The following FYB2 variants were observed in gnomAD, a reference collection of about 807,000 sequenced individuals.
FYB2 encodes the protein FYN binding protein 2.
A neutral mutation model predicts 94.1 loss-of-function variants in FYB2; 103 were observed. That is an observed-to-expected ratio of 1.09 (90% CI 0.93 to 1.29). FYB2 has a LOEUF of 1.29. FYB2 is among the 50% of genes most tolerant of loss of function. FYB2 has a pLI of 0.00. For synonymous variants in FYB2, 293 were observed against 287.9 expected (o/e 1.02, Z -0.18); for missense variants, 896 against 841.5 (o/e 1.06, Z -0.80).
chr1:56,773,276 T>C (rs143947358), intron 4 of FYB2, among the ~76,000 whole-genome samples: 2 of 152,208 alleles, frequency 1.3e-5, no homozygotes, highest in Non-Finnish European at 2.9e-5. Context: ...GAATCCCTCA[T>C]TGTCCTTTGG....
chr1:56,819,538 G>A (rs749122704), upstream of FYB2: 7 of 589,306 alleles, frequency 1.2e-5, no homozygotes, highest in Non-Finnish European at 2.1e-5. Flanking sequence ...ACTGGGGAGA[G>A]TACTCCACCT....
chr1:56,743,413 T>C lies in FYB2; in HGVS notation c.1543+613A>G, dbSNP rs368128843. ...AAAAGAAGTCCATGGTACTATGAGA[T>C]TGTACACCAAGGAGAATATTCCCTG... On this transcript the variant is annotated intron_variant, in intron 11 of 19. Transcript: ENST00000343433. Among the ~76,000 whole-genome samples the C allele has an allele frequency of 9.2e-5, 14 of 152,098 alleles. No homozygotes were observed. The South Asian group carries it at 1.7e-3, about 18-fold the overall frequency.
rs779925731 is a variant in FYB2 at position 56,737,138 on chromosome 1, G to A, written c.1742C>T (p.Ser581Phe). 3 of 1,605,126 alleles carry A rather than the reference G, an allele frequency of 1.9e-6. No individual in the cohort carries two copies. In the African/African-American group the frequency reaches 4.0e-5, roughly 22 times the overall value. Residue 581 changes from serine (S) to phenylalanine (F), a missense_variant, in exon 15 of 20, where the codon TCT (serine) becomes TTT (phenylalanine). Transcript: ENST00000343433. ...SILLPDLELK[S>F]QEVIIYDDVD... is the part of the protein sequence containing the mutation. ...ATCATCATAAATAATAACTTCCTGA[G>A]ACTTAAGTTCTAGGGTCAAGACAGA...
chr1:56,770,943 GA>G (rs1446006781), intron 4 of FYB2, among the ~76,000 whole-genome samples: 3 of 152,138 alleles, frequency 2.0e-5, no homozygotes, highest in Non-Finnish European at 4.4e-5. Flanking sequence ...ACATTCATCA[GA>G]TTAGCTAGAA....
chr1:56,780,055 A>G (rs1004310563), intron 4 of FYB2, among the ~76,000 whole-genome samples: 1 of 152,166 alleles, frequency 6.6e-6, no homozygotes, highest in Non-Finnish European at 1.5e-5. Flanking sequence ...TAAGATAGTC[A>G]TTGGTCTAGA....
intron 2 of FYB2, among the ~76,000 whole-genome samples, chr1:56,790,020 G>A (rs918021681): frequency 6.6e-6 from 1 of 152,120 alleles, no homozygotes; most frequent in Non-Finnish European, 1.5e-5. Context: ...TTTGTCCTCT[G>A]CAGTCTTAAA....
In FYB2 at chr1:56,792,026, C is replaced by T. The variant is rs762711279; in HGVS notation, c.757+30G>A. The T allele has an allele frequency of 3.3e-6, 5 of 1,538,376 alleles. No homozygotes were observed. In the Admixed American group the frequency reaches 6.4e-5, roughly 20 times the overall value. On this transcript the variant is annotated intron_variant, in intron 2 of 19. Transcript: ENST00000343433. ...GAAAAACATGATGACACCTCCCTAG[C>T]CCCTGTCCCATGGGGATCACGTTTG...
At chr1:56,777,612 T>C (rs17114332) in intron 4 of FYB2, among the ~76,000 whole-genome samples, 30,220 of 151,994 alleles carry the variant, frequency 0.2, 3,975 homozygotes, top group East Asian at 0.45. Flanking sequence ...ATTCTATTCT[T>C]CAGCCAACAT....
upstream of FYB2, chr1:56,819,488 G>C (rs767704531): frequency 1.4e-6 from 1 of 697,290 alleles, no homozygotes; most frequent in Admixed American, 2.7e-5. Context: ...AGGGCCGGCC[G>C]CCATCCTCCC....
chr1:56,719,917 A>AACTT (rs1486782896), intron 19 of FYB2, 105 bp downstream of exon 19: 1 of 1,262,386 alleles, frequency 7.9e-7, no homozygotes, highest in South Asian at 1.6e-5. Flanking sequence ...TAATTTTTAA[A>AACTT]ACTTATCCTG....
At chr1:56,754,021 G>A in intron 7 of FYB2, 86 bp from the exon 8 acceptor site, 2 of 795,992 alleles carry the variant, frequency 2.5e-6, no homozygotes, top group Non-Finnish European at 2.1e-6. Flanking sequence ...TGAAATGAAT[G>A]GGAAAAATAG....
At chr1:56,733,487 T>C (rs780826111) in intron 15 of FYB2, among the ~76,000 whole-genome samples, 2 of 152,138 alleles carry the variant, frequency 1.3e-5, no homozygotes, top group African/African-American at 2.4e-5. Flanking sequence ...TTTGAATTTG[T>C]TTGCTCTTGT....
chr1:56,798,518 A>G (rs1256092224), intron 1 of FYB2, among the ~76,000 whole-genome samples: 1 of 152,196 alleles, frequency 6.6e-6, no homozygotes, highest in African/African-American at 2.4e-5. Context: ...AATAGTTAGA[A>G]GTCTGAATCT....
chr1:56,737,307 G>T (rs1644850148), intron 14 of FYB2, 160 bp from the exon 15 acceptor site: 1 of 455,766 alleles, frequency 2.2e-6, no homozygotes, highest in Non-Finnish European at 3.8e-6. Flanking sequence ...AAGAATCAAA[G>T]AATAAAAATA....
At chr1:56,749,605 C>T (rs1382640571) in intron 9 of FYB2, among the ~76,000 whole-genome samples, 1 of 151,888 alleles carries the variant, frequency 6.6e-6, no homozygotes, top group Non-Finnish European at 1.5e-5. Context: ...TATTAAACAT[C>T]TTATGTGTTA....
intron 15 of FYB2, among the ~76,000 whole-genome samples, chr1:56,730,804 T>G (rs111853636): frequency 1.3e-5 from 2 of 152,074 alleles, no homozygotes; most frequent in Admixed American, 1.3e-4. Flanking sequence ...AGCATAACCC[T>G]GATACCAAAA....
chr1:56,771,820 G>T (rs1280244135), intron 4 of FYB2, among the ~76,000 whole-genome samples: 1 of 152,156 alleles, frequency 6.6e-6, no homozygotes, highest in Non-Finnish European at 1.5e-5. Flanking sequence ...CAGTGAAAAA[G>T]TTGGAGTTCT....
intron 6 of FYB2, among the ~76,000 whole-genome samples, chr1:56,756,313 G>A (rs549170519): frequency 6.6e-6 from 1 of 152,222 alleles, no homozygotes; most frequent in East Asian, 1.9e-4. Context: ...CACAAGTAAT[G>A]CTGGAATTTC....
chr1:56,753,831 A>G lies in FYB2; in HGVS notation c.1227+8T>C, dbSNP rs1473150888. ...GTCTAAACTGCAGGAACCGTAGAACATAGGTACCTTGAAAACATGGTTTGA... is the reference window on the plus strand; with the variant it reads ...GTCTAAACTGCAGGAACCGTAGAACGTAGGTACCTTGAAAACATGGTTTGA... On this transcript the variant is annotated splice_region_variant and intron_variant, in intron 8 of 19. Transcript: ENST00000343433. The G allele has an allele frequency of 3.2e-6, 5 of 1,582,994 alleles. No homozygotes were observed. The highest frequency in any genetic ancestry group is 3.5e-6 in the Non-Finnish European group (4 of 1,152,384).
Sources: allele counts gnomAD v4.1 joint callset (sites outside exome capture counted in the v4.1 genomes callset), GRCh38; gene constraint gnomAD v4.1.1; transcripts MANE v1.5; gene names NCBI Gene and HGNC (gene_info 2026-07-23, HGNC 2026-07-21).